The following TKFC variants were observed in gnomAD, a reference collection of about 807,000 sequenced individuals.
TKFC encodes triokinase/FMN cyclase.
TKFC carries 46 observed loss-of-function variants against 61.0 expected under a neutral mutation model. That is an observed-to-expected ratio of 0.75 (90% CI 0.60 to 0.96). TKFC has a LOEUF of 0.96. Ranked by LOEUF, TKFC falls within the 50% of genes least tolerant of loss-of-function variation. The pLI, the probability that TKFC is intolerant of heterozygous loss-of-function variation, is 0.00. For synonymous variants in TKFC, 314 were observed against 330.1 expected, an observed-to-expected ratio of 0.95 and a Z score of 0.53; for missense variants, 715 against 777.5, an observed-to-expected ratio of 0.92 and a Z score of 0.96.
At chr11:61,338,977 C>A in intron 3 of TKFC, 89 bp from the exon 4 acceptor site, 2 of 1,172,504 alleles carry the variant, frequency 1.7e-6, no homozygotes, top group East Asian at 2.4e-5. Flanking sequence ...TAGGGCTCAC[C>A]AAACCATGAC....
chr11:61,351,120 G>C, downstream of TKFC: 2 of 1,613,692 alleles, frequency 1.2e-6, no homozygotes, highest in African/African-American at 1.3e-5. Flanking sequence ...CACTGGGCAG[G>C]CTGTGGTATG....
intron 2 of TKFC, 136 bp from the exon 3 acceptor site, chr11:61,337,805 A>T: frequency 1.3e-6 from 1 of 747,912 alleles, no homozygotes; most frequent in East Asian, 2.9e-5. Context: ...ATGTCGCCCA[A>T]CTCAAGGAAG....
At position 61,339,268 on chromosome 11, in the gene TKFC, A is replaced by C. The variant is rs370439014; in HGVS notation, c.319A>C (p.Ile107Leu). 1.5e-5 allele frequency: 25 copies of C among 1,613,346 alleles called. No homozygotes were observed. The highest frequency in any genetic ancestry group is 2.7e-5 in the African/African-American group (2 of 74,936). Residue 107 changes from isoleucine (I) to leucine (L), a missense_variant, in exon 5 of 18, where the codon ATC becomes CTC. Coordinates refer to ENST00000394900, the MANE Select transcript of TKFC (RefSeq NM_015533.4). ...AQAGTVGTLL[I>L]VKNYTGDRLN... Reference sequence around the variant, plus strand: ...TGCTCCCGCAGTGGGGACGCTCCTTATCGTGAAGAACTACACTGGGGATCG... The same window carrying C: ...TGCTCCCGCAGTGGGGACGCTCCTTCTCGTGAAGAACTACACTGGGGATCG...
rs1300959037 is a variant in TKFC at position 61,347,914 on chromosome 11, G to A, written c.*1411G>A. The A allele has an allele frequency of 1.1e-5, 11 of 985,334 alleles. No homozygotes were observed. Among genetic ancestry groups the A allele is most frequent in the Non-Finnish European group, 1.3e-5 (11 of 829,880 alleles). 61.0% of individuals were successfully genotyped at this position (985,334 alleles called of 1,614,324 possible). A position where few individuals can be genotyped will look rare whatever the true frequency, so the allele number is the denominator to read the frequency against. On this transcript the variant is annotated 3_prime_UTR_variant, in exon 18 of 18. Transcript: ENST00000394900. ...CTCACTGAGAGTTACGGTTATCACA[G>A]GGGTTGGGCCCCCAGCCCCTCCCAG...
Position 61,333,250 on chromosome 11 carries a change from T to G in TKFC, c.-189T>G, listed in dbSNP as rs868424964. 5.7e-5 allele frequency: 18 copies of G among 315,958 alleles called. No individual in the cohort carries two copies. In the Middle Eastern group the frequency reaches 2.6e-3, roughly 45 times the overall value. 19.6% of individuals were successfully genotyped at this position (315,958 alleles called of 1,614,324 possible). ...TCCGCCAGCGCCCGCAGGACCCGGA[T>G]GAGAGCGCACGCTTCGGGGTCTCCG... On this transcript the variant is annotated 5_prime_UTR_variant, in exon 1 of 18. An upstream start codon of the reference 5' UTR is lost. Coordinates refer to ENST00000394900, the MANE Select transcript of TKFC (RefSeq NM_015533.4).
chr11:61,346,208 T>G lies in TKFC; in HGVS notation c.1576-143T>G, dbSNP rs1857117865. 1 of 1,522,616 alleles carries G rather than the reference T, an allele frequency of 6.6e-7. No individual in the cohort carries two copies. The highest frequency in any genetic ancestry group is 1.4e-5 in the African/African-American group (1 of 72,374). The allele number at this position is 1,522,616 out of a possible 1,614,324, so 94.3% of individuals were successfully genotyped here. ...AAGTAGATGAGAAGTGACTTTCCATTTGGTGACAGAGCAGAGGGTGCTGGC... is the reference window on the plus strand; with the variant it reads ...AAGTAGATGAGAAGTGACTTTCCATGTGGTGACAGAGCAGAGGGTGCTGGC... On this transcript the variant is annotated intron_variant, in intron 17 of 17. Coordinates refer to ENST00000394900, the MANE Select transcript of TKFC (RefSeq NM_015533.4). The surrounding 1 kb of genome is among the most constrained non-coding windows in gnomAD (Gnocchi z 4.1).
downstream of TKFC, chr11:61,349,853 G>A (rs1857316156): frequency 1.8e-6 from 1 of 571,344 alleles, no homozygotes; most frequent in Non-Finnish European, 3.2e-6. Context: ...TGGCGGGGCA[G>A]CCTAACTGAA....
chr11:61,342,883 G>C, intron 10 of TKFC, 39 bp downstream of exon 10: 2 of 1,593,604 alleles, frequency 1.3e-6, no homozygotes, highest in South Asian at 1.1e-5. Context: ...ACAGCCCTTT[G>C]GAAAGGGCTG....
chr11:61,351,072 C>T (rs1857382990), downstream of TKFC: 1 of 1,613,896 alleles, frequency 6.2e-7, no homozygotes, highest in South Asian at 1.1e-5. Flanking sequence ...GCCCAAAGGC[C>T]ACCACCAGCA....
At chr11:61,353,180 T>A (rs766637376), downstream of TKFC, 3 of 1,548,862 alleles carry the variant, frequency 1.9e-6, no homozygotes, top group South Asian at 3.8e-5. Flanking sequence ...GTGCTATGTG[T>A]GACCAAAGCA....
downstream of TKFC, chr11:61,350,980 G>A: frequency 1.9e-6 from 3 of 1,610,508 alleles, no homozygotes; most frequent in Non-Finnish European, 2.5e-6. Flanking sequence ...ATGTGGGACT[G>A]GAACCCATAC....
Position 61,339,071 on chromosome 11 carries a change from A to C in TKFC, c.199A>C (p.Ile67Leu). The C allele has an allele frequency of 6.2e-7, 1 of 1,612,426 alleles. No individual in the cohort carries two copies. Among genetic ancestry groups the C allele is most frequent in the Admixed American group, 1.7e-5 (1 of 59,952 alleles). The part of the protein sequence containing the change: ...SGHEPAHAGF[I>L]GKGMLTGVIA... ...TCCACTCCTTCCACCTCCAGGTTTC[A>C]TAGGGAAGGGGATGCTGACTGGGGT... is the stretch of plus-strand genomic sequence containing the variant. Residue 67 changes from isoleucine to leucine, a missense_variant, in exon 4 of 18, where the codon ATA becomes CTA. Physicochemically the swap from Ile to Leu is conservative, Grantham distance 5. Transcript: ENST00000394900.
chr11:61,351,103 A>T (rs1224851977), downstream of TKFC: 1 of 1,613,576 alleles, frequency 6.2e-7, no homozygotes, highest in East Asian at 2.2e-5. Context: ...GTTGGCAAAG[A>T]CCGCCTCACT....
At chr11:61,343,231 C>A in intron 10 of TKFC, 111 bp from the exon 11 acceptor site, 1 of 965,514 alleles carries the variant, frequency 1.0e-6, no homozygotes, top group Non-Finnish European at 1.6e-6. Flanking sequence ...GAAATCAGGA[C>A]ATCTCCCTCC....
chr11:61,350,874 T>G (rs1857372304), downstream of TKFC: 2 of 1,426,226 alleles, frequency 1.4e-6, no homozygotes, highest in East Asian at 2.5e-5. Context: ...CTCAAGTTAC[T>G]TGGTTTCCTG....
chr11:61,334,818 T>C (rs1448432973), intron 2 of TKFC, 87 bp downstream of exon 2: 1 of 1,592,014 alleles, frequency 6.3e-7, no homozygotes, highest in African/African-American at 1.3e-5. Context: ...CCTTACACTT[T>C]GACTGAGAGA....
chr11:61,339,271 G>A lies in TKFC; in HGVS notation c.322G>A (p.Val108Met), dbSNP rs1298917715. The change falls in exon 5 of 18, where the codon GTG (valine) becomes ATG (methionine). Residue 108 changes from valine to methionine, a missense_variant. Transcript: ENST00000394900. ...TCCCGCAGTGGGGACGCTCCTTATCGTGAAGAACTACACTGGGGATCGGCT... is the reference window on the plus strand; with the variant it reads ...TCCCGCAGTGGGGACGCTCCTTATCATGAAGAACTACACTGGGGATCGGCT... ...QAGTVGTLLI[V>M]KNYTGDRLNF... 14 of 1,613,370 alleles carry A rather than the reference G, an allele frequency of 8.7e-6. No individual in the cohort carries two copies. Among genetic ancestry groups the A allele is most frequent in the African/African-American group, 4.0e-5 (3 of 74,932 alleles).
At chr11:61,343,614 C>A in intron 11 of TKFC, 156 bp downstream of exon 11, 1 of 850,010 alleles carries the variant, frequency 1.2e-6, no homozygotes, top group Non-Finnish European at 1.8e-6. Flanking sequence ...TTCTCCAGCT[C>A]TCACTGGACT....
downstream of TKFC, chr11:61,351,125 G>A: frequency 6.2e-7 from 1 of 1,612,900 alleles, no homozygotes; most frequent in South Asian, 1.1e-5. Context: ...GGCAGGCTGT[G>A]GTATGGCCTG....
Sources: allele counts gnomAD v4.1 joint callset, GRCh38; gene constraint gnomAD v4.1.1; non-coding constraint Gnocchi (gnomAD v3.1); transcripts MANE v1.5; gene names NCBI Gene and HGNC (gene_info 2026-07-23, HGNC 2026-07-21).